OPCML: variants seen among roughly 807,000 people sequenced by gnomAD.
OPCML encodes opioid binding protein/cell adhesion molecule like.
Under a neutral mutation model 37.8 loss-of-function variants are expected in OPCML, and 13 were observed. The ratio of observed to expected loss-of-function variants is 0.34; its 90% confidence interval spans 0.22 to 0.55. The LOEUF (loss-of-function observed/expected upper bound fraction) is 0.55. OPCML is among the 20% of genes least tolerant of loss of function. The probability of loss-of-function intolerance (pLI) is 0.91; values close to 1 mark genes in which losing one functional copy is unlikely to be tolerated. For synonymous variants in OPCML, 176 were observed against 168.8 expected, an observed-to-expected ratio of 1.04 and a Z score of -0.33; for missense variants, 341 against 435.6, an observed-to-expected ratio of 0.78 and a Z score of 1.93.
In OPCML at chr11:132,436,764, G is replaced by A. The variant is rs138855940; in HGVS notation, c.659C>T (p.Ser220Leu). Residue 220 changes from serine (S) to leucine (L), a missense_variant, in exon 6 of 8, where the codon TCA becomes TTA. By Grantham distance (145) the Ser-to-Leu change is moderately radical (BLOSUM62 -2). Transcript: ENST00000524381. ...TGAAACACCAGTGTTCTTGGCTTTTGAGATATAGGGAGGATCTGTGGGAAA... is the reference window on the plus strand; with the variant it reads ...TGAAACACCAGTGTTCTTGGCTTTTAAGATATAGGGAGGATCTGTGGGAAA... ...KITVNYPPYI[S>L]KAKNTGVSVG... 6.2e-7 allele frequency: 1 copy of A among 1,614,070 alleles called. No individual in the cohort carries two copies. The highest frequency in any genetic ancestry group is 8.5e-7 in the Non-Finnish European group (1 of 1,180,008).
At chr11:132,744,903 C>T (rs145058040) in intron 2 of OPCML, among the ~76,000 whole-genome samples, 2 of 152,062 alleles carry the variant, frequency 1.3e-5, no homozygotes, top group South Asian at 2.1e-4. Context: ...AGGAAGTGAA[C>T]GAGCTCCTAA....
intron 1 of OPCML, among the ~76,000 whole-genome samples, chr11:133,531,876 C>T (rs1948612634): frequency 6.6e-6 from 1 of 152,156 alleles, no homozygotes; most frequent in Non-Finnish European, 1.5e-5. Flanking sequence ...CCCTTCCACC[C>T]TGCAGGTCCC....
chr11:132,796,039 G>A (rs911999278), intron 2 of OPCML, among the ~76,000 whole-genome samples: 7 of 152,154 alleles, frequency 4.6e-5, no homozygotes, highest in African/African-American at 4.8e-5. Flanking sequence ...TATTTCCATA[G>A]CATCTACATT....
chr11:133,286,447 C>A (rs992596999), intron 1 of OPCML, among the ~76,000 whole-genome samples: 4 of 105,896 alleles, frequency 3.8e-5, no homozygotes, highest in Admixed American at 2.9e-4. Flanking sequence ...TCCAGCCTGG[C>A]GACAGAGCGA....
chr11:132,821,528 G>A (rs887253320), intron 2 of OPCML, among the ~76,000 whole-genome samples: 1 of 152,194 alleles, frequency 6.6e-6, no homozygotes, highest in Non-Finnish European at 1.5e-5. Context: ...GGAAAGACTG[G>A]AAAATTATCC....
At chr11:132,684,423 T>C (rs1382623203) in intron 2 of OPCML, among the ~76,000 whole-genome samples, 2 of 152,196 alleles carry the variant, frequency 1.3e-5, no homozygotes, top group Admixed American at 1.3e-4. Flanking sequence ...CTAATTCATA[T>C]TACATCATAT....
intron 2 of OPCML, among the ~76,000 whole-genome samples, chr11:132,739,722 A>G (rs1945377071): frequency 6.6e-6 from 1 of 152,212 alleles, no homozygotes; most frequent in African/African-American, 2.4e-5. Context: ...TGTGTTCATT[A>G]TATTATTTTC....
At chr11:133,523,332 C>T (rs1436777961) in intron 1 of OPCML, among the ~76,000 whole-genome samples, 1 of 152,162 alleles carries the variant, frequency 6.6e-6, no homozygotes, top group Non-Finnish European at 1.5e-5. Flanking sequence ...CTTCTCAGCA[C>T]TCTCCCAGGA....
At chr11:132,776,948 T>A (rs1196617212) in intron 2 of OPCML, among the ~76,000 whole-genome samples, 1 of 152,022 alleles carries the variant, frequency 6.6e-6, no homozygotes, top group East Asian at 2.0e-4. Flanking sequence ...ATTAGCCCCA[T>A]CATCACCAAA....
chr11:132,968,898 T>C (rs1171340308), intron 1 of OPCML, among the ~76,000 whole-genome samples: 1 of 152,198 alleles, frequency 6.6e-6, no homozygotes, highest in Non-Finnish European at 1.5e-5. Context: ...TCTAGTACAA[T>C]GTTTAAAAGG....
intron 1 of OPCML, among the ~76,000 whole-genome samples, chr11:133,388,466 G>A (rs1362777958): frequency 6.6e-6 from 1 of 152,198 alleles, no homozygotes; most frequent in African/African-American, 2.4e-5. Context: ...GACTTACTTT[G>A]TGGGAACAGT....
chr11:132,750,303 T>G (rs1286623213), intron 2 of OPCML, among the ~76,000 whole-genome samples: 1 of 152,200 alleles, frequency 6.6e-6, no homozygotes, highest in African/African-American at 2.4e-5. Context: ...AATTATATAA[T>G]ATAAAGCTAT....
Position 133,483,795 on chromosome 11 carries a change from T to TAGATGATAGATA in OPCML, c.61+48468_61+48469insTATCTATCATCT, listed in dbSNP as rs1555165668. 2.4e-4 allele frequency among the ~76,000 whole-genome samples: 32 copies of TAGATGATAGATA among 132,428 alleles called. No homozygotes were observed. In the East Asian group the frequency reaches 6.9e-3, roughly 29 times the overall value. 86.9% of individuals were successfully genotyped at this position (132,428 alleles called of 152,430 possible). ...ATTTATAGATGGATAGATACATAGA[T>TAGATGATAGATA]GATAGATAGATAGATAGATAGATAG... On this transcript the variant is annotated intron_variant, in intron 1 of 7. Transcript: ENST00000524381.
chr11:132,490,703 C>T lies in OPCML; in HGVS notation c.505+38358G>A, dbSNP rs142030354. 4.0e-3 allele frequency among the ~76,000 whole-genome samples: 609 copies of T among 151,660 alleles called. 1 individual carries two copies. The highest frequency in any genetic ancestry group is 7.3e-3 in the Non-Finnish European group (496 of 67,944). On this transcript the variant is annotated intron_variant, in intron 4 of 7. Coordinates refer to ENST00000524381, the MANE Select transcript of OPCML (RefSeq NM_001012393.5). ...GTGTGGTGGCGGGCGCCTGTGGTCC[C>T]GGCTACTCGAGAGGCTGGGGCAGGA...
At chr11:133,259,448 C>T (rs1390436225) in intron 1 of OPCML, among the ~76,000 whole-genome samples, 1 of 152,122 alleles carries the variant, frequency 6.6e-6, no homozygotes, top group Non-Finnish European at 1.5e-5. Context: ...AAAGTGAATG[C>T]TTTTCACCCC....
At chr11:132,840,013 G>A (rs1941221396) in intron 2 of OPCML, among the ~76,000 whole-genome samples, 1 of 152,086 alleles carries the variant, frequency 6.6e-6, no homozygotes, top group Non-Finnish European at 1.5e-5. Flanking sequence ...GGAGGAGAAA[G>A]CCCCTGGGAA....
At chr11:133,200,348 C>T (rs1938721472) in intron 1 of OPCML, among the ~76,000 whole-genome samples, 1 of 152,204 alleles carries the variant, frequency 6.6e-6, no homozygotes. Flanking sequence ...AGAAGATACT[C>T]ATTTTATACT....
intron 2 of OPCML, among the ~76,000 whole-genome samples, chr11:132,931,686 T>A (rs533195256): frequency 6.6e-6 from 1 of 152,160 alleles, no homozygotes; most frequent in Non-Finnish European, 1.5e-5. Context: ...GTGGTGAAGT[T>A]GGAACTCTTC....
At chr11:132,778,961 CTTTTTTTT>C (rs10657036) in intron 2 of OPCML, among the ~76,000 whole-genome samples, 39 of 87,928 alleles carry the variant, frequency 4.4e-4, no homozygotes, top group African/African-American at 1.5e-3. Flanking sequence ...TGGTATATTT[CTTTTTTTT>C]TTTTTTTTTT....
Sources: gnomAD v4.1 joint callset for allele counts (sites outside exome capture counted in the v4.1 genomes callset) on GRCh38, gnomAD v4.1.1 for gene constraint, MANE v1.5 for transcripts, NCBI Gene and HGNC (gene_info 2026-07-23, HGNC 2026-07-21) for gene names.